COP1: variants seen among roughly 807,000 people sequenced by gnomAD.
COP1 encodes COP1 E3 ubiquitin ligase.
Under a neutral mutation model 101.3 loss-of-function variants are expected in COP1, and 24 were observed. The observed-to-expected ratio is 0.24, with a 90% CI of 0.17 to 0.33. COP1 has a LOEUF of 0.33. Among genes scored for constraint, COP1 ranks in the 10% least tolerant of loss-of-function variants. The probability of loss-of-function intolerance (pLI) is 1.00; values close to 1 mark genes in which losing one functional copy is unlikely to be tolerated. For missense variants in COP1, 663 were observed against 906.2 expected (o/e 0.73, Z 3.45); for synonymous variants, 347 against 341.9 (o/e 1.01, Z -0.17).
In COP1 at chr1:176,032,654, T is replaced by C. The variant is rs375799638; in HGVS notation, c.1613-4966A>G. ...TTCAGTTCCCCACCATGTGGGCTTG[T>C]GACAACGCAGATGTTTCTCCCAAAC... On this transcript the variant is annotated intron_variant, in intron 14 of 19. Transcript: ENST00000367669. 3.3e-5 allele frequency among the ~76,000 whole-genome samples: 5 copies of C among 152,166 alleles called. No individual in the cohort carries two copies. In the South Asian group the frequency reaches 1.0e-3, roughly 32 times the overall value.
At chr1:176,183,305 T>C (rs1698020316) in intron 2 of COP1, among the ~76,000 whole-genome samples, 1 of 152,158 alleles carries the variant, frequency 6.6e-6, no homozygotes, top group Non-Finnish European at 1.5e-5. Context: ...CAATATGAAT[T>C]AGAATATAAG....
intron 15 of COP1, among the ~76,000 whole-genome samples, chr1:176,016,150 T>A (rs548420885): frequency 8.0e-5 from 12 of 150,606 alleles, no homozygotes; most frequent in African/African-American, 3.0e-4. Flanking sequence ...ATGTCTGGAG[T>A]TTTTTTTAGC....
intron 15 of COP1, among the ~76,000 whole-genome samples, chr1:176,007,044 A>G (rs1376987448): frequency 2.0e-5 from 3 of 151,962 alleles, no homozygotes; most frequent in African/African-American, 7.3e-5. Flanking sequence ...GGCTTTGCTC[A>G]TTTCTTTTTA....
At chr1:176,128,270 A>G (rs1345406144) in intron 8 of COP1, among the ~76,000 whole-genome samples, 2 of 152,102 alleles carry the variant, frequency 1.3e-5, no homozygotes, top group African/African-American at 4.8e-5. Context: ...CAGAGTTTCA[A>G]GAAAGGTTTT....
chr1:176,021,743 GA>G (rs1571733350), intron 15 of COP1, among the ~76,000 whole-genome samples: 2 of 152,150 alleles, frequency 1.3e-5, no homozygotes, highest in South Asian at 2.1e-4. Context: ...AATATCCTCA[GA>G]GACAAATTCA....
chr1:176,159,350 T>A (rs944845387), intron 5 of COP1, among the ~76,000 whole-genome samples: 1 of 151,962 alleles, frequency 6.6e-6, no homozygotes, highest in African/African-American at 2.4e-5. Context: ...AAAACACACA[T>A]ACACACACAC....
intron 11 of COP1, among the ~76,000 whole-genome samples, chr1:176,064,798 A>AT (rs1675624559): frequency 6.6e-6 from 1 of 151,056 alleles, no homozygotes; most frequent in African/African-American, 2.4e-5. Context: ...CAATTTTTGC[A>AT]TTTTTTGTAG....
At chr1:176,101,075 G>A (rs896701310) in intron 9 of COP1, among the ~76,000 whole-genome samples, 2 of 152,116 alleles carry the variant, frequency 1.3e-5, no homozygotes, top group Non-Finnish European at 2.9e-5. Context: ...TAAGGTCTAG[G>A]GAATTCAAAG....
chr1:176,057,487 G>A lies in COP1; in HGVS notation c.1278-11163C>T, dbSNP rs947592681. 2.7e-3 allele frequency among the ~76,000 whole-genome samples: 415 copies of A among 151,894 alleles called. 3 individuals carry two copies. Among genetic ancestry groups the A allele is most frequent in the African/African-American group, 9.4e-3 (389 of 41,446 alleles). On this transcript the variant is annotated intron_variant, in intron 11 of 19. Coordinates refer to ENST00000367669, the MANE Select transcript of COP1 (RefSeq NM_022457.7). ...GTGCCTGCGATTGCAGGCGCGCGCC[G>A]CCACGCCTGATTGGTTTTCGTATTT... is the stretch of plus-strand genomic sequence containing the variant.
At chr1:175,983,911 A>G (rs1656489056) in intron 18 of COP1, among the ~76,000 whole-genome samples, 1 of 152,216 alleles carries the variant, frequency 6.6e-6, no homozygotes, top group Non-Finnish European at 1.5e-5. Flanking sequence ...ATCTGGTAGA[A>G]TAAATTTCTA....
chr1:176,163,742 T>A (rs1282076792), intron 4 of COP1, 73 bp downstream of exon 4: 3 of 935,808 alleles, frequency 3.2e-6, no homozygotes, highest in South Asian at 3.3e-5. Context: ...AACTTTAACA[T>A]CTAACTAATA....
intron 9 of COP1, among the ~76,000 whole-genome samples, chr1:176,092,219 A>G (rs1681461341): frequency 1.3e-5 from 2 of 152,174 alleles, no homozygotes; most frequent in African/African-American, 4.8e-5. Context: ...ATGAATATAT[A>G]GAAAACACTG....
At chr1:176,060,643 T>G (rs1389560315) in intron 11 of COP1, among the ~76,000 whole-genome samples, 1 of 152,166 alleles carries the variant, frequency 6.6e-6, no homozygotes, top group Non-Finnish European at 1.5e-5. Flanking sequence ...ATCACAATAT[T>G]AAATCAGTAA....
rs532730765 is a variant in COP1, at chr1:176,176,980, C to T, written c.468-973G>A. The stretch of plus-strand genomic sequence containing the variant: ...ACATACCCTTTTGAATATTTTACTT[C>T]TAGGAATTTATCCTAAGGAAATATA... On this transcript the variant is annotated intron_variant, in intron 2 of 19. Coordinates refer to ENST00000367669, the MANE Select transcript of COP1 (RefSeq NM_022457.7). Among the ~76,000 whole-genome samples the T allele has an allele frequency of 3.3e-4, 50 of 152,182 alleles. No homozygotes were observed. In the South Asian group the frequency reaches 0.01, roughly 32 times the overall value.
intron 5 of COP1, among the ~76,000 whole-genome samples, chr1:176,153,083 C>T (rs1287174641): frequency 2.0e-5 from 3 of 152,034 alleles, no homozygotes; most frequent in African/African-American, 2.4e-5. Context: ...AATTCTCCAC[C>T]ATCTACCTTT....
chr1:176,081,309 AAGAC>A, intron 10 of COP1, 22 bp from the exon 11 acceptor site: 2 of 1,548,144 alleles, frequency 1.3e-6, no homozygotes, highest in Non-Finnish European at 8.7e-7. Flanking sequence ...AAAAAAAAAA[AAGAC>A]AAAACAGATG....
chr1:176,203,683 C>T (rs1250993640), intron 1 of COP1, among the ~76,000 whole-genome samples: 1 of 152,154 alleles, frequency 6.6e-6, no homozygotes, highest in Non-Finnish European at 1.5e-5. Context: ...ATCAATAAAA[C>T]ACTGTTAAAA....
chr1:176,173,418 T>C (rs1026097179), intron 3 of COP1, among the ~76,000 whole-genome samples: 2 of 149,594 alleles, frequency 1.3e-5, no homozygotes, highest in African/African-American at 4.9e-5. Flanking sequence ...GGAGGATCAC[T>C]GGAGCCCAGG....
At chr1:176,137,164 GAGTT>G (rs1372703089) in intron 6 of COP1, among the ~76,000 whole-genome samples, 1 of 152,098 alleles carries the variant, frequency 6.6e-6, no homozygotes. Context: ...AAACATATTT[GAGTT>G]AGTATTTTAT....
Sources: gnomAD v4.1 joint callset for allele counts (sites outside exome capture counted in the v4.1 genomes callset) on GRCh38, gnomAD v4.1.1 for gene constraint, MANE v1.5 for transcripts, NCBI Gene and HGNC (gene_info 2026-07-23, HGNC 2026-07-21) for gene names.